SDK1: variants seen among roughly 807,000 people sequenced by gnomAD.
The protein encoded by SDK1 is sidekick cell adhesion molecule 1.
SDK1 carries 157 observed loss-of-function variants against 245.5 expected under a neutral mutation model. That is an observed-to-expected ratio of 0.64 (90% CI 0.56 to 0.73). The LOEUF (loss-of-function observed/expected upper bound fraction) is 0.73, where lower values mean the gene tolerates loss of function less well. Ranked by LOEUF, SDK1 falls within the 30% of genes least tolerant of loss-of-function variation. The probability of loss-of-function intolerance (pLI) is 0.00; values close to 1 mark genes in which losing one functional copy is unlikely to be tolerated. For missense variants in SDK1, 3,583 were observed against 3,002.3 expected (o/e 1.19, Z -4.52); for synonymous variants, 1,647 against 1,278.5 (o/e 1.29, Z -6.15).
intron 1 of SDK1, among the ~76,000 whole-genome samples, chr7:3,607,841 C>G (rs915221669): frequency 3.9e-5 from 6 of 152,218 alleles, no homozygotes; most frequent in African/African-American, 1.4e-4. Context: ...CAGGTGCTGG[C>G]GTAAGCATTC....
At position 4,049,171 on chromosome 7, in the gene SDK1, A is replaced by G. The variant is rs1195869600; in HGVS notation, c.2603-177A>G. Reference sequence around the variant, plus strand: ...GCAAGAGAAAATGAAAAATAGCCCAATTCTCTTTCTTGGTAATGCCACTGT... The same window carrying G: ...GCAAGAGAAAATGAAAAATAGCCCAGTTCTCTTTCTTGGTAATGCCACTGT... On this transcript the variant is annotated intron_variant, in intron 17 of 44. Coordinates refer to ENST00000404826, the MANE Select transcript of SDK1 (RefSeq NM_152744.4). 2.6e-5 allele frequency among the ~76,000 whole-genome samples: 4 copies of G among 152,146 alleles called. No individual in the cohort carries two copies. In the East Asian group the frequency reaches 5.8e-4, roughly 22 times the overall value.
intron 22 of SDK1, among the ~76,000 whole-genome samples, chr7:4,080,829 C>T (rs1451008189): frequency 6.6e-6 from 1 of 151,920 alleles, no homozygotes; most frequent in African/African-American, 2.4e-5. Flanking sequence ...GCACATTGTG[C>T]ACACGTACCC....
At chr7:3,647,849 A>G (rs1241506608) in intron 4 of SDK1, among the ~76,000 whole-genome samples, 1 of 152,194 alleles carries the variant, frequency 6.6e-6, no homozygotes, top group East Asian at 1.9e-4. Context: ...AAAGTCGTGT[A>G]ATGTCCACAG....
chr7:3,871,113 A>G (rs897380510), intron 5 of SDK1, among the ~76,000 whole-genome samples: 1 of 151,044 alleles, frequency 6.6e-6, no homozygotes, highest in Non-Finnish European at 1.5e-5. Context: ...TAGATCCTGC[A>G]CATATGTCAA....
chr7:3,621,243 A>G (rs1781929108), intron 2 of SDK1, among the ~76,000 whole-genome samples: 2 of 152,162 alleles, frequency 1.3e-5, no homozygotes, highest in African/African-American at 2.4e-5. Context: ...GTTGAGAACC[A>G]TGTTTGAGTA....
chr7:3,703,637 A>C (rs1244252159), intron 4 of SDK1, among the ~76,000 whole-genome samples: 1 of 152,118 alleles, frequency 6.6e-6, no homozygotes, highest in East Asian at 1.9e-4. Context: ...GTATTTCCTT[A>C]AGCAGTATCC....
intron 22 of SDK1, among the ~76,000 whole-genome samples, chr7:4,101,360 G>C (rs1782528247): frequency 3.3e-5 from 5 of 152,126 alleles, no homozygotes; most frequent in Admixed American, 3.3e-4. Flanking sequence ...TGTTAGCCAG[G>C]ATGGTCTCGA....
intron 1 of SDK1, among the ~76,000 whole-genome samples, chr7:3,590,926 G>A (rs1032236805): frequency 6.6e-6 from 1 of 151,964 alleles, no homozygotes; most frequent in Non-Finnish European, 1.5e-5. Flanking sequence ...GAGACTACTG[G>A]CATGTGCCAC....
In SDK1 at chr7:4,145,873, G is replaced by A; in HGVS notation, c.4380G>A (p.Trp1460Ter). Residue 1460 changes from tryptophan to a stop codon, truncating the protein, a stop_gained, in exon 29 of 45, where the codon TGG becomes TGA. Transcript: ENST00000404826. LOFTEE classifies it high-confidence loss of function. ...FRLSAKTRQG[W>*]GEPLEATVIT... is the part of the protein sequence containing the mutation. ...TGTCCGCCAAGACGAGGCAGGGCTG[G>A]GGGGAGCCACTGGAGGCCACCGTCA... 6.2e-7 allele frequency: 1 copy of A among 1,613,454 alleles called. No individual in the cohort carries two copies. Among genetic ancestry groups the A allele is most frequent in the Non-Finnish European group, 8.5e-7 (1 of 1,179,804 alleles).
chr7:3,642,017 A>G lies in SDK1; in HGVS notation c.625A>G (p.Ile209Val). The G allele has an allele frequency of 6.2e-7, 1 of 1,613,606 alleles. No individual in the cohort carries two copies. Among genetic ancestry groups the G allele is most frequent in the Non-Finnish European group, 8.5e-7 (1 of 1,179,482 alleles). The change falls in exon 4 of 45, where the codon ATT (isoleucine) becomes GTT (valine). Residue 209 changes from isoleucine (I) to valine (V), a missense_variant. Transcript: ENST00000404826. ...AACAGTTTCTCAAGGACGTGCAGCGATTCTAAACCTGCTGCCCATCACCAG... is the reference window on the plus strand; with the variant it reads ...AACAGTTTCTCAAGGACGTGCAGCGGTTCTAAACCTGCTGCCCATCACCAG... ...RKTVSQGRAAILNLLPITSYP... is the reference protein window; with the variant it reads ...RKTVSQGRAAVLNLLPITSYP...
chr7:3,670,492 A>G (rs1264991103), intron 4 of SDK1, among the ~76,000 whole-genome samples: 3 of 152,190 alleles, frequency 2.0e-5, no homozygotes, highest in Non-Finnish European at 4.4e-5. Flanking sequence ...TCTTGAACCT[A>G]TGCATCAGTG....
At chr7:3,611,969 C>T (rs747673300) in intron 1 of SDK1, among the ~76,000 whole-genome samples, 2 of 152,158 alleles carry the variant, frequency 1.3e-5, no homozygotes, top group Non-Finnish European at 2.9e-5. Context: ...GAACTGGAGA[C>T]CATTATTCTA....
intron 13 of SDK1, among the ~76,000 whole-genome samples, chr7:3,977,357 G>A (rs867384703): frequency 1.7e-5 from 2 of 118,092 alleles, no homozygotes; most frequent in African/African-American, 5.8e-5. Flanking sequence ...TGAGGGTCCC[G>A]GGGCTGAGGC....
At chr7:4,012,599 G>GTTTTTTTTTTT (rs1786078112) in intron 16 of SDK1, among the ~76,000 whole-genome samples, 16 of 54,598 alleles carry the variant, frequency 2.9e-4, no homozygotes, top group South Asian at 6.8e-4. Flanking sequence ...TTTTGATGGA[G>GTTTTTTTTTTT]TTTCTCTCTT....
intron 1 of SDK1, among the ~76,000 whole-genome samples, chr7:3,363,545 T>C (rs1781009214): frequency 6.6e-6 from 1 of 152,202 alleles, no homozygotes; most frequent in African/African-American, 2.4e-5. Context: ...CCCCAACCTT[T>C]TTGGCACCAG....
intron 5 of SDK1, among the ~76,000 whole-genome samples, chr7:3,926,475 T>A (rs561340030): frequency 7.2e-5 from 11 of 152,332 alleles, no homozygotes; most frequent in African/African-American, 2.6e-4. Flanking sequence ...TTTATTTTAT[T>A]TTAAAGACAG....
intron 4 of SDK1, among the ~76,000 whole-genome samples, chr7:3,803,279 ATTTTC>A (rs1160093080): frequency 9.6e-5 from 14 of 146,450 alleles, no homozygotes; most frequent in East Asian, 4.0e-4. Flanking sequence ...TACTCTGCCC[ATTTTC>A]TTTTCTTTTC....
At chr7:3,367,285 G>A (rs1002982876) in intron 1 of SDK1, among the ~76,000 whole-genome samples, 41 of 152,106 alleles carry the variant, frequency 2.7e-4, no homozygotes, top group Admixed American at 7.2e-4. Flanking sequence ...GTTTCACAAT[G>A]GATGGAATAG....
At chr7:4,117,414 G>C (rs1436140538) in intron 25 of SDK1, among the ~76,000 whole-genome samples, 2 of 152,218 alleles carry the variant, frequency 1.3e-5, no homozygotes, top group African/African-American at 4.8e-5. Flanking sequence ...GCTGCACTGA[G>C]CTATGATCGC....
Sources: gnomAD v4.1 joint callset for allele counts (sites outside exome capture counted in the v4.1 genomes callset) on GRCh38, gnomAD v4.1.1 for gene constraint, MANE v1.5 for transcripts, NCBI Gene and HGNC (gene_info 2026-07-23, HGNC 2026-07-21) for gene names.